GALNT13: variants seen among roughly 807,000 people sequenced by gnomAD.
The protein encoded by GALNT13 is polypeptide N-acetylgalactosaminyltransferase 13, also known as UDP-GalNAc:polypeptide N-acetylgalactosaminyltransferase 13.
A neutral mutation model predicts 64.2 loss-of-function variants in GALNT13; 28 were observed. The observed-to-expected ratio is 0.44, with a 90% CI of 0.32 to 0.60. GALNT13 has a LOEUF of 0.60. GALNT13 is among the 20% of genes least tolerant of loss of function. The pLI is 0.05. For synonymous variants in GALNT13, 214 were observed against 224.6 expected, an observed-to-expected ratio of 0.95 and a Z score of 0.42; for missense variants, 577 against 669.8, an observed-to-expected ratio of 0.86 and a Z score of 1.53.
chr2:153,975,549 CAG>C (rs916719890), intron 3 of GALNT13, among the ~76,000 whole-genome samples: 6 of 152,114 alleles, frequency 3.9e-5, no homozygotes, highest in African/African-American at 9.7e-5. Context: ...TGCTTTTCCA[CAG>C]AGTCATTCAT....
At chr2:154,151,351 T>C (rs1011520298) in intron 4 of GALNT13, among the ~76,000 whole-genome samples, 10 of 152,154 alleles carry the variant, frequency 6.6e-5, no homozygotes, top group African/African-American at 1.9e-4. Context: ...TACTTCCAAG[T>C]ATGTGGTCAA....
At chr2:153,802,130 T>C in the GALNT13 span, among the ~76,000 whole-genome samples, 10 of 152,300 alleles carry the variant, frequency 6.6e-5, no homozygotes, top group South Asian at 1.4e-3. Flanking sequence ...ATTTTCATGA[T>C]AGGTAAAATG....
At chr2:153,322,916 G>T in the GALNT13 span, among the ~76,000 whole-genome samples, 5 of 152,138 alleles carry the variant, frequency 3.3e-5, no homozygotes, top group Non-Finnish European at 7.4e-5. Context: ...CATCTGGGTT[G>T]GTTCCAAGTC....
At chr2:153,395,405 T>C in the GALNT13 span, among the ~76,000 whole-genome samples, 160 of 152,208 alleles carry the variant, frequency 1.1e-3, no homozygotes, top group Non-Finnish European at 1.7e-3. Context: ...AATCTAGCTG[T>C]TGTGATCCTT....
the GALNT13 span, among the ~76,000 whole-genome samples, chr2:153,643,742 A>C: frequency 6.6e-6 from 1 of 152,008 alleles, no homozygotes; most frequent in Admixed American, 6.6e-5. Flanking sequence ...ATCAGAAAAT[A>C]GATATATCAC....
At chr2:153,975,814 A>G (rs1216514621) in intron 3 of GALNT13, among the ~76,000 whole-genome samples, 3 of 152,052 alleles carry the variant, frequency 2.0e-5, no homozygotes. Flanking sequence ...TAGGTCTTAA[A>G]TCTTCTCACA....
the GALNT13 span, among the ~76,000 whole-genome samples, chr2:153,725,985 T>C: frequency 2.0e-5 from 3 of 152,202 alleles, no homozygotes; most frequent in Admixed American, 6.5e-5. Context: ...AGAGTAGCTC[T>C]TTCTTCTTTA....
chr2:153,621,622 G>C, the GALNT13 span, among the ~76,000 whole-genome samples: 1 of 152,190 alleles, frequency 6.6e-6, no homozygotes, highest in East Asian at 1.9e-4. Flanking sequence ...AGTCTATTTG[G>C]TATTCTGTTG....
chr2:153,991,271 C>T (rs71417289), intron 3 of GALNT13, among the ~76,000 whole-genome samples: 2 of 152,166 alleles, frequency 1.3e-5, no homozygotes, highest in African/African-American at 2.4e-5. Flanking sequence ...GAGCAAAAAA[C>T]GTGAGAATGA....
the GALNT13 span, among the ~76,000 whole-genome samples, chr2:153,439,837 G>A: frequency 6.6e-6 from 1 of 152,120 alleles, no homozygotes; most frequent in African/African-American, 2.4e-5. Flanking sequence ...TGCATCCACT[G>A]TCCGGCACTC....
intron 3 of GALNT13, among the ~76,000 whole-genome samples, chr2:154,032,606 A>G (rs1430974185): frequency 3.9e-5 from 6 of 151,980 alleles, no homozygotes; most frequent in African/African-American, 1.4e-4. Flanking sequence ...AAATTGATTT[A>G]ACATTAGAAA....
chr2:153,789,198 A>G, the GALNT13 span, among the ~76,000 whole-genome samples: 1 of 152,204 alleles, frequency 6.6e-6, no homozygotes, highest in Admixed American at 6.5e-5. Flanking sequence ...ACACGCTGAA[A>G]CATGAAACAA....
chr2:153,965,920 T>TTAC (rs140856255), intron 3 of GALNT13, among the ~76,000 whole-genome samples: 15,892 of 151,950 alleles, frequency 0.1, 1,932 homozygotes, highest in East Asian at 0.63. Context: ...ATTGTTTTAG[T>TTAC]TACTATTTTT....
intron 9 of GALNT13, among the ~76,000 whole-genome samples, chr2:154,362,583 C>T (rs1468546520): frequency 6.6e-6 from 1 of 151,958 alleles, no homozygotes; most frequent in Non-Finnish European, 1.5e-5. Flanking sequence ...CCCACCCAAC[C>T]CAAAAGCTCT....
chr2:153,301,661 G>A, the GALNT13 span, among the ~76,000 whole-genome samples: 4 of 152,058 alleles, frequency 2.6e-5, no homozygotes, highest in Admixed American at 6.6e-5. Context: ...TGTGTAACAG[G>A]AACTTTGTAT....
At position 153,954,988 on chromosome 2, in the gene GALNT13, C is replaced by T. The variant is rs188601977; in HGVS notation, c.142+10349C>T. Among the ~76,000 whole-genome samples, 576 of 150,422 alleles carry T rather than the reference C, an allele frequency of 3.8e-3. 8 individuals are homozygous for T. Among genetic ancestry groups the T allele is most frequent in the African/African-American group, 0.013 (541 of 40,912 alleles). On this transcript the variant is annotated intron_variant, in intron 3 of 12. Transcript: ENST00000392825. ...TGTAGAAAGAGGTGGCCACTGACTT[C>T]GGGTAAAAAAAAAAAAGTCTTATTT...
At chr2:153,907,364 A>G (rs906777043) in intron 2 of GALNT13, among the ~76,000 whole-genome samples, 1 of 151,828 alleles carries the variant, frequency 6.6e-6, no homozygotes, top group African/African-American at 2.4e-5. Context: ...ATATACATAT[A>G]ATTACATACA....
At chr2:153,464,138 T>C in the GALNT13 span, among the ~76,000 whole-genome samples, 1 of 152,084 alleles carries the variant, frequency 6.6e-6, no homozygotes, top group Non-Finnish European at 1.5e-5. Context: ...GCTACTGTTA[T>C]GTGCTCTACT....
At chr2:153,781,047 G>A in the GALNT13 span, among the ~76,000 whole-genome samples, 1 of 152,148 alleles carries the variant, frequency 6.6e-6, no homozygotes, top group Non-Finnish European at 1.5e-5. Flanking sequence ...GAGGCAATTA[G>A]GTATTAACAG....
Sources: gnomAD v4.1 joint callset for allele counts (sites outside exome capture counted in the v4.1 genomes callset) on GRCh38, gnomAD v4.1.1 for gene constraint, MANE v1.5 for transcripts, NCBI Gene and HGNC (gene_info 2026-07-23, HGNC 2026-07-21) for gene names.